Variants in FAT3 observed in about 807,000 individuals in gnomAD.
The protein encoded by FAT3 is protocadherin Fat 3.
In FAT3, 95 loss-of-function variants were observed where a neutral mutation model predicts 310.2. The ratio of observed to expected loss-of-function variants is 0.31; its 90% CI spans 0.26 to 0.36. The LOEUF (loss-of-function observed/expected upper bound fraction) is 0.36. Ranked by LOEUF, FAT3 falls within the 10% of genes least tolerant of loss-of-function variation. The probability of loss-of-function intolerance (pLI) is 1.00; values close to 1 mark genes in which losing one functional copy is unlikely to be tolerated. For synonymous variants in FAT3, 2,314 were observed against 2,192.9 expected, an observed-to-expected ratio of 1.06 and a Z score of -1.54; for missense variants, 5,408 against 5,715.6, an observed-to-expected ratio of 0.95 and a Z score of 1.74.
intron 3 of FAT3, among the ~76,000 whole-genome samples, chr11:92,545,415 A>G (rs1954584241): frequency 6.6e-6 from 1 of 152,156 alleles, no homozygotes; most frequent in Non-Finnish European, 1.5e-5. Context: ...TTTGTTCACC[A>G]TTGGATATAG....
chr11:92,557,085 A>G (rs547911178), intron 3 of FAT3, among the ~76,000 whole-genome samples: 75 of 151,864 alleles, frequency 4.9e-4, no homozygotes, highest in African/African-American at 1.6e-3. Flanking sequence ...TTCTTTCGCT[A>G]TCTATTGCAT....
chr11:92,840,756 C>T lies in FAT3; in HGVS notation c.10563C>T (p.Val3521=). 1 of 1,572,150 alleles carries T rather than the reference C, an allele frequency of 6.4e-7. No homozygotes were observed. The highest frequency in any genetic ancestry group is 2.3e-5 in the East Asian group (1 of 43,960). The change falls in exon 18 of 28, where the codon GTC becomes GTT. Residue 3521 remains valine, a synonymous_variant. Transcript: ENST00000525166. ...HTESLEYVLC[V]QAKDSGKPQQ... The stretch of plus-strand genomic sequence containing the variant: ...AGTCTCTGGAATACGTGTTGTGTGT[C>T]CAGGTATGGCATCGCACTCTGTCTC...
At chr11:92,373,076 G>T (rs1222255299) in intron 2 of FAT3, among the ~76,000 whole-genome samples, 5 of 152,184 alleles carry the variant, frequency 3.3e-5, no homozygotes, top group Non-Finnish European at 4.4e-5. Context: ...GGGAAGTAGA[G>T]GGGCTGAAGT....
intron 5 of FAT3, 128 bp from the exon 6 acceptor site, chr11:92,764,751 C>G: frequency 1.2e-6 from 1 of 817,468 alleles, no homozygotes; most frequent in South Asian, 1.8e-5. Flanking sequence ...CAGACCTCTG[C>G]TCCTTTCTTC....
chr11:92,404,006 G>A (rs1354923933), intron 2 of FAT3, among the ~76,000 whole-genome samples: 1 of 151,984 alleles, frequency 6.6e-6, no homozygotes, highest in African/African-American at 2.4e-5. Flanking sequence ...CTGCACTCCA[G>A]CCTGGGCCAC....
intron 1 of FAT3, among the ~76,000 whole-genome samples, chr11:92,328,933 A>G (rs764307744): frequency 3.8e-4 from 58 of 152,332 alleles, no homozygotes; most frequent in Non-Finnish European, 4.1e-4. Context: ...CTAGGCCACC[A>G]TCGACTTTGA....
chr11:92,443,211 G>T (rs1951120566), intron 2 of FAT3, among the ~76,000 whole-genome samples: 1 of 152,206 alleles, frequency 6.6e-6, no homozygotes, highest in Non-Finnish European at 1.5e-5. Flanking sequence ...CCAGTCTTTT[G>T]AGGGAGGAGA....
chr11:92,238,408 C>G (rs1330515805), intron 1 of FAT3, among the ~76,000 whole-genome samples: 2 of 152,036 alleles, frequency 1.3e-5, no homozygotes, highest in Admixed American at 1.3e-4. Flanking sequence ...TCTGGAATGT[C>G]CACATAGGGA....
intron 2 of FAT3, among the ~76,000 whole-genome samples, chr11:92,524,204 T>C (rs1953777184): frequency 1.3e-5 from 2 of 152,108 alleles, no homozygotes; most frequent in East Asian, 3.9e-4. Context: ...CTAGGAGAGC[T>C]TTTCATTGCA....
rs1415027188 is a variant in FAT3 at position 92,800,590 on chromosome 11, G to A, written c.7577G>A (p.Gly2526Glu). ...IHVRATDGDP[G>E]TYGQISYAII... is the part of the protein sequence containing the mutation. ...GTTCGAGCCACAGATGGTGATCCAG[G>A]GACTTATGGGCAGATCAGCTATGCC... Residue 2526 changes from glycine to glutamate, a missense_variant, in exon 10 of 28, where the codon GGG becomes GAG. Transcript: ENST00000525166. The A allele has an allele frequency of 2.5e-6, 4 of 1,613,748 alleles. No individual in the cohort carries two copies. The highest frequency in any genetic ancestry group is 3.4e-6 in the Non-Finnish European group (4 of 1,179,812).
intron 1 of FAT3, among the ~76,000 whole-genome samples, chr11:92,316,094 CAAA>C (rs973946320): frequency 1.3e-5 from 2 of 151,674 alleles, no homozygotes; most frequent in African/African-American, 4.8e-5. Context: ...AAAAAGGATT[CAAA>C]AGTAAAAAAT....
intron 6 of FAT3, among the ~76,000 whole-genome samples, chr11:92,765,796 G>GT (rs1315300225): frequency 2.7e-5 from 4 of 149,320 alleles, no homozygotes; most frequent in South Asian, 2.1e-4. Flanking sequence ...TTGAGGGGGG[G>GT]GTTGTTTTGA....
At chr11:92,482,705 G>T (rs1952264672) in intron 2 of FAT3, among the ~76,000 whole-genome samples, 1 of 151,964 alleles carries the variant, frequency 6.6e-6, no homozygotes, top group African/African-American at 2.4e-5. Context: ...CTCTTCCTTT[G>T]CCCTCATGCC....
intron 3 of FAT3, among the ~76,000 whole-genome samples, chr11:92,552,357 C>T (rs953119245): frequency 9.9e-5 from 15 of 151,988 alleles, no homozygotes; most frequent in African/African-American, 3.4e-4. Flanking sequence ...TTGGAGTGCT[C>T]TTTGTAAAAG....
At chr11:92,497,860 T>C (rs1952811376) in intron 2 of FAT3, among the ~76,000 whole-genome samples, 1 of 152,020 alleles carries the variant, frequency 6.6e-6, no homozygotes. Flanking sequence ...ATCGGTAGCA[T>C]ACTTCTGGGG....
At chr11:92,876,555 C>A (rs537752687) in intron 22 of FAT3, among the ~76,000 whole-genome samples, 20 of 152,284 alleles carry the variant, frequency 1.3e-4, no homozygotes, top group African/African-American at 3.9e-4. Context: ...CGTTTAAGGG[C>A]ATTCTTTTTC....
chr11:92,599,059 G>A (rs1939870372), intron 3 of FAT3, among the ~76,000 whole-genome samples: 1 of 152,150 alleles, frequency 6.6e-6, no homozygotes, highest in African/African-American at 2.4e-5. Flanking sequence ...CAGATCTGGG[G>A]ATAAGAACAG....
chr11:92,478,948 CTTTCT>C lies in FAT3; in HGVS notation c.3293-45643_3293-45639del, dbSNP rs113372595. On this transcript the variant is annotated intron_variant, in intron 2 of 27. Transcript: ENST00000525166. Reference sequence around the variant, plus strand: ...TTTCTTTCCTTCTCTTTCTTTCTTTCTTTCTTTTCTTTTCTTTTCTTTTCTTTTCT... The same window carrying C: ...TTTCTTTCCTTCTCTTTCTTTCTTTCTTTCTTTTCTTTTCTTTTCTTTTCT... Among the ~76,000 whole-genome samples, 844 of 114,468 alleles carry C rather than the reference CTTTCT, an allele frequency of 7.4e-3. 36 individuals carry two copies. Among genetic ancestry groups the C allele is most frequent in the African/African-American group, 9.7e-3 (263 of 27,152 alleles). 75.1% of individuals were successfully genotyped at this position (114,468 alleles called of 152,430 possible). A position where few individuals can be genotyped will look rare whatever the true frequency, so the allele number is the denominator to read the frequency against.
intron 4 of FAT3, among the ~76,000 whole-genome samples, chr11:92,715,689 T>C (rs1944660026): frequency 6.6e-6 from 1 of 152,058 alleles, no homozygotes; most frequent in Non-Finnish European, 1.5e-5. Flanking sequence ...GGACAGCACA[T>C]GATAAAATTT....
Sources: gnomAD v4.1 joint callset for allele counts (sites outside exome capture counted in the v4.1 genomes callset) on GRCh38, gnomAD v4.1.1 for gene constraint, MANE v1.5 for transcripts, NCBI Gene and HGNC (gene_info 2026-07-23, HGNC 2026-07-21) for gene names.